Variants in RNF180 observed in about 807,000 individuals in gnomAD.
RNF180 encodes the protein ring finger protein 180, also known as E3 ubiquitin-protein ligase RNF180.
In RNF180, 38 loss-of-function variants were observed where a neutral mutation model predicts 59.2. That is an observed-to-expected ratio of 0.64 (90% CI 0.50 to 0.84). The LOEUF (loss-of-function observed/expected upper bound fraction) is 0.84. Ranked by LOEUF, RNF180 falls within the 40% of genes least tolerant of loss-of-function variation. RNF180 has a pLI of 0.00. For missense variants in RNF180, 705 were observed against 700.9 expected (o/e 1.01, Z -0.07); for synonymous variants, 262 against 240.3 (o/e 1.09, Z -0.84).
intron 5 of RNF180, among the ~76,000 whole-genome samples, chr5:64,279,523 A>T (rs1259487312): frequency 6.6e-6 from 1 of 152,134 alleles, no homozygotes; most frequent in Non-Finnish European, 1.5e-5. Flanking sequence ...GTCAAGAGAG[A>T]AATGATGATC....
chr5:64,253,628 A>G (rs71626543), intron 5 of RNF180, among the ~76,000 whole-genome samples: 14 of 152,254 alleles, frequency 9.2e-5, no homozygotes, highest in Admixed American at 5.2e-4. Flanking sequence ...TGTTAAAGAC[A>G]ATAGAGTCTC....
intron 5 of RNF180, among the ~76,000 whole-genome samples, chr5:64,306,523 G>A (rs1246809202): frequency 6.6e-6 from 1 of 151,600 alleles, no homozygotes; most frequent in Non-Finnish European, 1.5e-5. Context: ...GTACTTTTTA[G>A]TTTCCTCTAA....
intron 1 of RNF180, among the ~76,000 whole-genome samples, chr5:64,172,016 C>A (rs982746523): frequency 2.0e-5 from 3 of 152,176 alleles, no homozygotes; most frequent in African/African-American, 7.2e-5. Context: ...CCTCAGTTCT[C>A]TTTGTTTGAG....
chr5:64,191,875 A>C (rs1266520240), intron 1 of RNF180, among the ~76,000 whole-genome samples: 1 of 152,218 alleles, frequency 6.6e-6, no homozygotes, highest in Admixed American at 6.5e-5. Context: ...TCCAAGACTA[A>C]TGCCAAAAAA....
rs532911167 is a variant in RNF180 at position 64,170,116 on chromosome 5, A to G, written c.-1+4163A>G. On this transcript the variant is annotated intron_variant, in intron 1 of 7. Coordinates refer to ENST00000389100, the MANE Select transcript of RNF180 (RefSeq NM_001113561.2). ...TGTGTATAAGGTTGGCCACAGAGTT[A>G]TCCACAAATAATGATACACCCTGTG... 9.8e-5 allele frequency among the ~76,000 whole-genome samples: 15 copies of G among 152,358 alleles called. 2 individuals carry two copies. Among genetic ancestry groups the G allele is most frequent in the African/African-American group, 3.6e-4 (15 of 41,594 alleles).
chr5:64,267,205 G>A (rs964845866), intron 5 of RNF180, among the ~76,000 whole-genome samples: 2 of 151,884 alleles, frequency 1.3e-5, no homozygotes, highest in African/African-American at 4.8e-5. Flanking sequence ...AACCTGTTTT[G>A]TACCATCAGT....
In RNF180 at chr5:64,340,122, C is replaced by G; in HGVS notation, c.1579+9716C>G. On this transcript the variant is annotated intron_variant, in intron 7 of 7. Transcript: ENST00000389100. ...CTATGTTAATTTATTCCCTGAAAAA[C>G]CATTCATATATATAATTACATGCAT... 2.0e-5 allele frequency among the ~76,000 whole-genome samples: 3 copies of G among 152,154 alleles called. 1 individual carries two copies. In the South Asian group the frequency reaches 6.2e-4, roughly 32 times the overall value.
chr5:64,281,229 A>G (rs1580172510), intron 5 of RNF180, among the ~76,000 whole-genome samples: 1 of 152,222 alleles, frequency 6.6e-6, no homozygotes, highest in Non-Finnish European at 1.5e-5. Context: ...TTTTCTGTAT[A>G]TAAAATCATA....
intron 5 of RNF180, among the ~76,000 whole-genome samples, chr5:64,258,552 A>G (rs1394419426): frequency 6.6e-6 from 1 of 152,110 alleles, no homozygotes; most frequent in Admixed American, 6.5e-5. Flanking sequence ...TTTTAGATGA[A>G]TGGGGGTGCT....
intron 5 of RNF180, among the ~76,000 whole-genome samples, chr5:64,253,633 A>T (rs773105813): frequency 9.9e-5 from 15 of 152,120 alleles, no homozygotes; most frequent in South Asian, 2.1e-4. Context: ...AAGACAATAG[A>T]GTCTCAGGAG....
In RNF180 at chr5:64,214,259, G is replaced by C. The variant is rs367618450; in HGVS notation, c.933G>C (p.Gln311His). The C allele has an allele frequency of 1.2e-6, 2 of 1,614,030 alleles. No individual in the cohort carries two copies. Among genetic ancestry groups the C allele is most frequent in the African/African-American group, 2.7e-5 (2 of 75,034 alleles). ...AGACACAAAGAGGAGGAGAATTTCAGTGTGGTCTAGAAGCTGCTTCAGTGT... is the reference window on the plus strand; with the variant it reads ...AGACACAAAGAGGAGGAGAATTTCACTGTGGTCTAGAAGCTGCTTCAGTGT... Reference protein sequence around the residue: ...ETQTQRGGEFQCGLEAASVYS... With the variant: ...ETQTQRGGEFHCGLEAASVYS... The change falls in exon 4 of 8, where the codon CAG (glutamine) becomes CAC (histidine). Residue 311 changes from glutamine (Q) to histidine (H), a missense_variant. Coordinates refer to ENST00000389100, the MANE Select transcript of RNF180 (RefSeq NM_001113561.2).
intron 5 of RNF180, among the ~76,000 whole-genome samples, chr5:64,245,329 G>A (rs1743084957): frequency 6.6e-6 from 1 of 152,150 alleles, no homozygotes; most frequent in South Asian, 2.1e-4. Flanking sequence ...CTGGCAAATT[G>A]GATAAAGAGT....
At chr5:64,206,616 C>G (rs1752029220) in intron 2 of RNF180, among the ~76,000 whole-genome samples, 1 of 152,172 alleles carries the variant, frequency 6.6e-6, no homozygotes, top group Non-Finnish European at 1.5e-5. Context: ...AGTCTTAGCA[C>G]ATGCTATGCT....
intron 5 of RNF180, among the ~76,000 whole-genome samples, chr5:64,263,065 T>C (rs1217433604): frequency 6.6e-6 from 1 of 152,282 alleles, no homozygotes; most frequent in South Asian, 2.1e-4. Flanking sequence ...CCCTAAAACT[T>C]CTATCTCTGT....
At chr5:64,275,352 T>C (rs1561232808) in intron 5 of RNF180, among the ~76,000 whole-genome samples, 1 of 139,790 alleles carries the variant, frequency 7.2e-6, no homozygotes, top group East Asian at 2.1e-4. Context: ...TATTCTTATT[T>C]TTCATATGCC....
chr5:64,226,405 G>C (rs1198118555), intron 5 of RNF180, among the ~76,000 whole-genome samples: 1 of 152,128 alleles, frequency 6.6e-6, no homozygotes, highest in East Asian at 1.9e-4. Context: ...GTCAACTCAG[G>C]GTTAAATGGA....
intron 2 of RNF180, among the ~76,000 whole-genome samples, chr5:64,208,079 A>G (rs979210383): frequency 6.6e-6 from 1 of 152,128 alleles, no homozygotes; most frequent in African/African-American, 2.4e-5. Context: ...ATAAGGCATC[A>G]AATTTGTAAT....
chr5:64,369,464 AAT>A, intron 7 of RNF180, 149 bp from the exon 8 acceptor site: 3 of 439,182 alleles, frequency 6.8e-6, no homozygotes, highest in Non-Finnish European at 1.2e-5. Flanking sequence ...GTATAATAAT[AAT>A]AAAAAAAAAA....
At chr5:64,230,433 G>A (rs182236406) in intron 5 of RNF180, among the ~76,000 whole-genome samples, 1 of 152,288 alleles carries the variant, frequency 6.6e-6, no homozygotes, top group Non-Finnish European at 1.5e-5. Context: ...TCTGAACCTT[G>A]GCTCATACAA....
Sources: allele counts gnomAD v4.1 joint callset (sites outside exome capture counted in the v4.1 genomes callset), GRCh38; gene constraint gnomAD v4.1.1; transcripts MANE v1.5; gene names NCBI Gene and HGNC (gene_info 2026-07-23, HGNC 2026-07-21).